ADGRB2: variants seen among roughly 807,000 people sequenced by gnomAD.
ADGRB2 encodes brain-specific angiogenesis inhibitor 2.
Under a neutral mutation model 178.7 loss-of-function variants are expected in ADGRB2, and 47 were observed. The ratio of observed to expected loss-of-function variants is 0.26; its 90% CI spans 0.21 to 0.34. The LOEUF (loss-of-function observed/expected upper bound fraction) is 0.34. Ranked by LOEUF, ADGRB2 falls within the 10% of genes least tolerant of loss-of-function variation. The pLI, the probability that ADGRB2 is intolerant of heterozygous loss-of-function variation, is 1.00. For missense variants in ADGRB2, 1,584 were observed against 2,180.8 expected, an observed-to-expected ratio of 0.73 and a Z score of 5.45; for synonymous variants, 870 against 912.4, an observed-to-expected ratio of 0.95 and a Z score of 0.84.
Position 31,755,750 on chromosome 1 carries a change from C to T in ADGRB2, c.838+249G>A, listed in dbSNP as rs1326706691. 1.3e-5 allele frequency among the ~76,000 whole-genome samples: 2 copies of T among 152,054 alleles called. No individual in the cohort carries two copies. Among genetic ancestry groups the T allele is most frequent in the Non-Finnish European group, 2.9e-5 (2 of 68,018 alleles). Reference sequence around the variant, plus strand: ...CCCTGGCTGCCCAGTTAGGAGGTCCCTCCCTGGGTTTATATATCACCCTGC... The same window carrying T: ...CCCTGGCTGCCCAGTTAGGAGGTCCTTCCCTGGGTTTATATATCACCCTGC... On this transcript the variant is annotated intron_variant, in intron 4 of 32. Transcript: ENST00000373658. The surrounding 1 kb of genome is among the most constrained non-coding windows in gnomAD (Gnocchi z 5.1).
In ADGRB2 at chr1:31,731,227, G is replaced by T. The variant is rs766997717; in HGVS notation, c.3953C>A (p.Pro1318Gln). The T allele has an allele frequency of 6.2e-6, 10 of 1,604,956 alleles. No homozygotes were observed. The South Asian group carries it at 7.8e-5, about 13-fold the overall frequency. Residue 1318 changes from proline to glutamine, a missense_variant, in exon 29 of 33, where the codon CCA becomes CAA. Physicochemically the swap from Pro to Gln is moderately conservative, Grantham distance 76. Coordinates refer to ENST00000373658, the MANE Select transcript of ADGRB2 (RefSeq NM_001364857.2). ...CATGTAAACAGGGTTGGCCTCCTGT[G>T]GGGGCGGAGGCTCCCCCAGCCCTGG... ...ASPGLGEPPP[P>Q]QEANPVYMCG...
chr1:31,738,892 G>A lies in ADGRB2; in HGVS notation c.2541C>T (p.Arg847=), dbSNP rs192543145. 4.3e-6 allele frequency: 7 copies of A among 1,613,794 alleles called. No individual in the cohort carries two copies. The East Asian group carries it at 6.7e-5, about 15-fold the overall frequency. Residue 847 remains arginine, a synonymous_variant, in exon 16 of 33, where the codon CGC becomes CGT. Coordinates refer to ENST00000373658, the MANE Select transcript of ADGRB2 (RefSeq NM_001364857.2). ...VTSRVMTVTV[R]PPTQPPAEPL... ...GCTCAGCTGGAGGCTGGGTAGGGGG[G>A]CGCACAGTCACTGTCATCACCCGGG...
rs954531161 is a variant in ADGRB2 at position 31,735,498 on chromosome 1, C to A, written c.3353+82G>T. ...GGGGAGCCCCGGTCGCATCATCGAG[C>A]CCTGAGTCTCCAAGAGCACCCATGT... On this transcript the variant is annotated intron_variant, in intron 24 of 32. Coordinates refer to ENST00000373658, the MANE Select transcript of ADGRB2 (RefSeq NM_001364857.2). The surrounding 1 kb of genome is among the most constrained non-coding windows in gnomAD (Gnocchi z 6.0). 15 of 1,521,738 alleles carry A rather than the reference C, an allele frequency of 9.9e-6. No homozygotes were observed. The highest frequency in any genetic ancestry group is 3.6e-5 in the Admixed American group (2 of 55,482). 94.3% of individuals were successfully genotyped at this position (1,521,738 alleles called of 1,614,324 possible). A position where few individuals can be genotyped will look rare whatever the true frequency, so the allele number is the denominator to read the frequency against.
In ADGRB2 at chr1:31,740,217, C is replaced by A. The variant is rs1388680138; in HGVS notation, c.1990-39G>T. The A allele has an allele frequency of 6.2e-7, 1 of 1,613,242 alleles. No homozygotes were observed. Among genetic ancestry groups the A allele is most frequent in the Non-Finnish European group, 8.5e-7 (1 of 1,179,622 alleles). ...AATGAGTGGCAGGGGGTCCTAGCCC[C>A]AGGGAACAGGGGGCTTCCCCCACTA... On this transcript the variant is annotated intron_variant, in intron 12 of 32. Transcript: ENST00000373658. This position sits in a 1 kb window ranked among gnomAD's most constrained non-coding sequence, Gnocchi z 5.9.
intron 4 of ADGRB2, among the ~76,000 whole-genome samples, chr1:31,751,217 C>CT: frequency 6.6e-6 from 1 of 152,352 alleles, no homozygotes; most frequent in South Asian, 2.1e-4. Context: ...TTTCCTCTAC[C>CT]TCGAAAGCCC....
In ADGRB2 at chr1:31,738,658, C is replaced by T. The variant is rs147624561; in HGVS notation, c.2602-28G>A. 1.9e-4 allele frequency: 304 copies of T among 1,612,308 alleles called. No individual in the cohort carries two copies. The African/African-American group carries it at 3.6e-3, about 19-fold the overall frequency. On this transcript the variant is annotated intron_variant, in intron 16 of 32. Transcript: ENST00000373658. ...GGGGAGCAAAAGACATGAGTGCAGTCTAGGGAGGGAAGCTCACCACACCCC... is the reference window on the plus strand; with the variant it reads ...GGGGAGCAAAAGACATGAGTGCAGTTTAGGGAGGGAAGCTCACCACACCCC...
Position 31,737,482 on chromosome 1 carries a change from T to G in ADGRB2, c.2926A>C (p.Ile976Leu). ...AGGATCAGGATGTTGGATGCCAAGA[T>G]GGACAGGCAGAAGTTCAGCAAGATG... ...SIILLNFCLS[I>L]LASNILILVG... The change falls in exon 20 of 33, where the codon ATC becomes CTC. Residue 976 changes from isoleucine to leucine, a missense_variant. Physicochemically the swap from Ile to Leu is conservative, Grantham distance 5. Coordinates refer to ENST00000373658, the MANE Select transcript of ADGRB2 (RefSeq NM_001364857.2). 2 of 1,614,072 alleles carry G rather than the reference T, an allele frequency of 1.2e-6. No homozygotes were observed. The highest frequency in any genetic ancestry group is 1.7e-6 in the Non-Finnish European group (2 of 1,180,006).
Position 31,758,311 on chromosome 1 carries a change from G to A in ADGRB2, c.-190-800C>T, listed in dbSNP as rs1163657949. ...ACGCAAGCCCAGGATCTGAGGCCCAGCCCAGGCCTGTCTCCCTCCACCAGT... is the reference window on the plus strand; with the variant it reads ...ACGCAAGCCCAGGATCTGAGGCCCAACCCAGGCCTGTCTCCCTCCACCAGT... On this transcript the variant is annotated intron_variant, in intron 1 of 32. Transcript: ENST00000373658. The surrounding 1 kb of genome is among the most constrained non-coding windows in gnomAD (Gnocchi z 4.2). Among the ~76,000 whole-genome samples the A allele has an allele frequency of 3.9e-5, 6 of 152,206 alleles. No individual in the cohort carries two copies. Among genetic ancestry groups the A allele is most frequent in the Non-Finnish European group, 7.3e-5 (5 of 68,034 alleles).
rs754696414 is a variant in ADGRB2 at position 31,740,455 on chromosome 1, G to A, written c.1881C>T (p.Ala627=). The A allele has an allele frequency of 6.2e-7, 1 of 1,613,750 alleles. No homozygotes were observed. The highest frequency in any genetic ancestry group is 8.5e-7 in the Non-Finnish European group (1 of 1,179,942). ...QVVRSLQELL[A]RRTYYSGDLL... The stretch of plus-strand genomic sequence containing the variant: ...GGTCCCCACTATAGTAGGTGCGCCG[G>A]GCCAGTAGCTCCTGCAGGCTGCGCA... The change falls in exon 12 of 33, where the codon GCC becomes GCT. Residue 627 remains alanine, a synonymous_variant. Coordinates refer to ENST00000373658, the MANE Select transcript of ADGRB2 (RefSeq NM_001364857.2). This position sits in a 1 kb window ranked among gnomAD's most constrained non-coding sequence, Gnocchi z 5.9.
chr1:31,730,376 CAA>C (rs1325398542), intron 29 of ADGRB2, among the ~76,000 whole-genome samples: 19 of 152,308 alleles, frequency 1.2e-4, no homozygotes, highest in Middle Eastern at 3.4e-3. Context: ...AACGACTCCA[CAA>C]AGAGACTGCT....
intron 1 of ADGRB2, among the ~76,000 whole-genome samples, chr1:31,763,359 G>A (rs1379689805): frequency 2.6e-5 from 4 of 151,770 alleles, no homozygotes; most frequent in Admixed American, 2.6e-4. Flanking sequence ...CAGGCGCGGG[G>A]GAGGGTAGAA....
In ADGRB2 at chr1:31,744,097, G is replaced by A. The variant is rs1017053369; in HGVS notation, c.1087+96C>T. ...AACAGCCACATTTGTTGAATGAAAG[G>A]AGGAGGCAACCAACCATTTTGGAGA... On this transcript the variant is annotated intron_variant, in intron 6 of 32. Transcript: ENST00000373658. The surrounding 1 kb of genome is among the most constrained non-coding windows in gnomAD (Gnocchi z 6.7). The A allele has an allele frequency of 2.2e-6, 3 of 1,392,256 alleles. No homozygotes were observed. The highest frequency in any genetic ancestry group is 2.9e-5 in the Admixed American group (1 of 34,396). 86.2% of individuals were successfully genotyped at this position (1,392,256 alleles called of 1,614,324 possible).
Position 31,733,106 on chromosome 1 carries a change from G to T in ADGRB2, c.3490C>A (p.Leu1164Met). 1 of 1,586,664 alleles carries T rather than the reference G, an allele frequency of 6.3e-7. No homozygotes were observed. Residue 1164 changes from leucine (L) to methionine (M), a missense_variant, in exon 26 of 33, where the codon CTG becomes ATG. By Grantham distance (15) the Leu-to-Met change is conservative. Around this residue, in one of 3 missense-constraint regions of ADGRB2, gnomAD observed 865 missense variants for 1,192.8 expected, o/e 0.73. Coordinates refer to ENST00000373658, the MANE Select transcript of ADGRB2 (RefSeq NM_001364857.2). This position sits in a 1 kb window ranked among gnomAD's most constrained non-coding sequence, Gnocchi z 4.3. Reference protein sequence around the residue: ...LWSSCVVLPLLALTWMSAVLA... With the variant: ...LWSSCVVLPLMALTWMSAVLA... Reference sequence around the variant, plus strand: ...ACGGCAGACATCCAGGTGAGCGCCAGCAGGGGCAGCACCACGCAGGAGCTC... The same window carrying T: ...ACGGCAGACATCCAGGTGAGCGCCATCAGGGGCAGCACCACGCAGGAGCTC...
At chr1:31,752,700 C>G (rs1018009857) in intron 4 of ADGRB2, among the ~76,000 whole-genome samples, 20 of 151,996 alleles carry the variant, frequency 1.3e-4, no homozygotes, top group African/African-American at 4.6e-4. Flanking sequence ...TAGCTAGGTC[C>G]CGGGTGGGGC....
In ADGRB2 at chr1:31,740,895, G is replaced by GCACACACACACACACACACA. The variant is rs145689822; in HGVS notation, c.1795-374_1795-355dup. The stretch of plus-strand genomic sequence containing the variant: ...AATGAGCATGTGTGTGGGCGCGCGC[G>GCACACACACACACACACACA]CACACACACACACACACACACACAC... On this transcript the variant is annotated intron_variant, in intron 11 of 32. Coordinates refer to ENST00000373658, the MANE Select transcript of ADGRB2 (RefSeq NM_001364857.2). This position sits in a 1 kb window ranked among gnomAD's most constrained non-coding sequence, Gnocchi z 5.9. Among the ~76,000 whole-genome samples the GCACACACACACACACACACA allele has an allele frequency of 1.4e-4, 20 of 140,478 alleles. No individual in the cohort carries two copies. Among genetic ancestry groups the GCACACACACACACACACACA allele is most frequent in the Middle Eastern group, 3.7e-3 (1 of 272 alleles). The allele number at this position is 140,478 out of a possible 152,430, so 92.2% of individuals were successfully genotyped here.
chr1:31,761,518 G>T lies in ADGRB2; in HGVS notation c.-191+2366C>A, dbSNP rs139906710. On this transcript the variant is annotated intron_variant, in intron 1 of 32. Coordinates refer to ENST00000373658, the MANE Select transcript of ADGRB2 (RefSeq NM_001364857.2). The surrounding 1 kb of genome is among the most constrained non-coding windows in gnomAD (Gnocchi z 4.2). ...TCTTCTCTGTACTTCTCCCACCTCT[G>T]CAGCCTCTACACTTGAACCAAGACC... is the stretch of plus-strand genomic sequence containing the variant. 2.3e-3 allele frequency among the ~76,000 whole-genome samples: 347 copies of T among 152,276 alleles called. 1 individual carries two copies. Among genetic ancestry groups the T allele is most frequent in the African/African-American group, 8.0e-3 (333 of 41,548 alleles).
At chr1:31,747,685 C>T (rs375762811) in intron 4 of ADGRB2, among the ~76,000 whole-genome samples, 66 of 152,298 alleles carry the variant, frequency 4.3e-4, no homozygotes, top group African/African-American at 1.6e-3. Context: ...TGAGTCCTCT[C>T]CTTGACCCCC....
rs769886323 is a variant in ADGRB2 at position 31,732,498 on chromosome 1, GC to G, written c.3720+18del. Reference sequence around the variant, plus strand: ...GGTGCCCAGAATCTGCCCAGGCCCTGCCCAGGCCCCTAACTCACCAGGATCT... The same window carrying G: ...GGTGCCCAGAATCTGCCCAGGCCCTGCCAGGCCCCTAACTCACCAGGATCT... On this transcript the variant is annotated intron_variant, in intron 27 of 32. Coordinates refer to ENST00000373658, the MANE Select transcript of ADGRB2 (RefSeq NM_001364857.2). The G allele has an allele frequency of 5.0e-6, 8 of 1,613,570 alleles. No homozygotes were observed. In the East Asian group the frequency reaches 1.8e-4, roughly 36 times the overall value.
intron 1 of ADGRB2, among the ~76,000 whole-genome samples, chr1:31,762,206 A>G (rs1647059735): frequency 6.6e-6 from 1 of 152,150 alleles, no homozygotes; most frequent in Non-Finnish European, 1.5e-5. Context: ...AGAGAGCGGA[A>G]GGAGGAGAGA....
Sources: allele counts gnomAD v4.1 joint callset (sites outside exome capture counted in the v4.1 genomes callset), GRCh38; gene constraint gnomAD v4.1.1; regional missense constraint gnomAD v4.1.1; non-coding constraint Gnocchi (gnomAD v3.1); transcripts MANE v1.5; gene names NCBI Gene and HGNC (gene_info 2026-07-23, HGNC 2026-07-21).